Variants in TRAPPC9 observed in about 807,000 individuals in gnomAD.
The protein encoded by TRAPPC9 is IKK2 binding protein.
In TRAPPC9, 83 loss-of-function variants were observed where a neutral mutation model predicts 124.0. The observed-to-expected ratio is 0.67, with a 90% CI of 0.56 to 0.80. The LOEUF is 0.80. Among genes scored for constraint, TRAPPC9 ranks in the 30% least tolerant of loss-of-function variants. The pLI is 0.00. For synonymous variants in TRAPPC9, 638 were observed against 617.5 expected, an observed-to-expected ratio of 1.03 and a Z score of -0.49; for missense variants, 1,302 against 1,508.3, an observed-to-expected ratio of 0.86 and a Z score of 2.27.
At chr8:140,209,731 A>G (rs1310222482) in intron 17 of TRAPPC9, among the ~76,000 whole-genome samples, 1 of 152,198 alleles carries the variant, frequency 6.6e-6, no homozygotes, top group Admixed American at 6.5e-5. Flanking sequence ...AGAAAGTATT[A>G]TTATCTGCAT....
intron 17 of TRAPPC9, among the ~76,000 whole-genome samples, chr8:140,033,874 G>A (rs1367517286): frequency 6.6e-6 from 1 of 151,744 alleles, no homozygotes; most frequent in Non-Finnish European, 1.5e-5. Context: ...TAGAGACAGG[G>A]TTTCACCACG....
intron 4 of TRAPPC9, among the ~76,000 whole-genome samples, chr8:140,431,007 C>T (rs2070620709): frequency 6.6e-6 from 1 of 152,106 alleles, no homozygotes; most frequent in South Asian, 2.1e-4. Flanking sequence ...TCTCGTCTCT[C>T]AGTTGGTTGT....
intron 16 of TRAPPC9, among the ~76,000 whole-genome samples, chr8:140,231,395 C>A (rs2063589393): frequency 6.6e-6 from 1 of 150,438 alleles, no homozygotes; most frequent in Admixed American, 6.6e-5. Flanking sequence ...GACCATCTTC[C>A]AGCAAAAAGA....
In TRAPPC9 at chr8:140,194,255, G is replaced by A. The variant is rs186285406; in HGVS notation, c.2556+27204C>T. On this transcript the variant is annotated intron_variant, in intron 17 of 22. Coordinates refer to ENST00000438773, the MANE Select transcript of TRAPPC9 (RefSeq NM_001160372.4). ...CTCCTATCCAGTCTCTCCCCAGCCC[G>A]CACCCCTTCACACCCCACCCACAGT... Among the ~76,000 whole-genome samples the A allele has an allele frequency of 2.9e-4, 44 of 149,766 alleles. No homozygotes were observed. The East Asian group carries it at 7.5e-3, about 25-fold the overall frequency.
intron 5 of TRAPPC9, among the ~76,000 whole-genome samples, chr8:140,410,304 G>A (rs189546273): frequency 9.9e-5 from 15 of 152,174 alleles, no homozygotes; most frequent in Admixed American, 3.3e-4. Context: ...AGGAGGCTGC[G>A]GCAGACAGAT....
chr8:140,222,464 T>G (rs1403288703), intron 16 of TRAPPC9, among the ~76,000 whole-genome samples: 5 of 151,970 alleles, frequency 3.3e-5, no homozygotes, highest in Non-Finnish European at 7.4e-5. Flanking sequence ...CAACTCAGAG[T>G]CACTGTAGTT....
In TRAPPC9 at chr8:139,813,993, G is replaced by A. The variant is rs535957014; in HGVS notation, c.3055+71886C>T. On this transcript the variant is annotated intron_variant, in intron 21 of 22. Coordinates refer to ENST00000438773, the MANE Select transcript of TRAPPC9 (RefSeq NM_001160372.4). ...GGTGAGGGTGCCCCAGAAAGTTCCTGGAAAAGGTGACACCAGAATCCAGCT... is the reference window on the plus strand; with the variant it reads ...GGTGAGGGTGCCCCAGAAAGTTCCTAGAAAAGGTGACACCAGAATCCAGCT... 5.3e-5 allele frequency among the ~76,000 whole-genome samples: 8 copies of A among 152,228 alleles called. No homozygotes were observed. In the South Asian group the frequency reaches 1.7e-3, roughly 32 times the overall value.
At chr8:140,118,904 T>C (rs2060936677) in intron 17 of TRAPPC9, among the ~76,000 whole-genome samples, 1 of 152,240 alleles carries the variant, frequency 6.6e-6, no homozygotes, top group Non-Finnish European at 1.5e-5. Flanking sequence ...CCCTGCAGTG[T>C]GTCCTGGCTT....
chr8:140,415,019 C>T (rs2069860524), intron 5 of TRAPPC9, among the ~76,000 whole-genome samples: 1 of 152,066 alleles, frequency 6.6e-6, no homozygotes, highest in Admixed American at 6.6e-5. Context: ...GGATTACAGG[C>T]ATGAGCCACC....
chr8:140,411,230 G>A (rs1456677475), intron 5 of TRAPPC9, among the ~76,000 whole-genome samples: 2 of 152,206 alleles, frequency 1.3e-5, no homozygotes, highest in Non-Finnish European at 2.9e-5. Flanking sequence ...AGCATGCTTA[G>A]TGACCAGACC....
intron 19 of TRAPPC9, among the ~76,000 whole-genome samples, chr8:139,919,504 A>G (rs541158535): frequency 1.3e-5 from 2 of 152,372 alleles, no homozygotes; most frequent in African/African-American, 4.8e-5. Context: ...TGCAAATCAA[A>G]TCTCAATAAA....
chr8:140,152,014 G>A (rs2061550834), intron 17 of TRAPPC9, among the ~76,000 whole-genome samples: 1 of 152,120 alleles, frequency 6.6e-6, no homozygotes, highest in South Asian at 2.1e-4. Context: ...GAGCCGGAAT[G>A]GCTGCAATTC....
rs562436011 is a variant in TRAPPC9 at position 140,219,026 on chromosome 8, G to A, written c.2556+2433C>T. 2.6e-5 allele frequency among the ~76,000 whole-genome samples: 4 copies of A among 152,134 alleles called. No individual in the cohort carries two copies. In the South Asian group the frequency reaches 8.3e-4, roughly 32 times the overall value. Reference sequence around the variant, plus strand: ...AGTCAGGGAAGGTAACACTGCAGCTGGCCTAAAGTCACAAAACTAGTTGGG... The same window carrying A: ...AGTCAGGGAAGGTAACACTGCAGCTAGCCTAAAGTCACAAAACTAGTTGGG... On this transcript the variant is annotated intron_variant, in intron 17 of 22. Transcript: ENST00000438773.
At chr8:139,906,025 C>T (rs910591113) in intron 20 of TRAPPC9, among the ~76,000 whole-genome samples, 4 of 151,686 alleles carry the variant, frequency 2.6e-5, no homozygotes, top group East Asian at 1.9e-4. Flanking sequence ...ACCCGGGAGG[C>T]GGAGATTGCA....
intron 17 of TRAPPC9, 100 bp from the exon 18 acceptor site, chr8:140,024,179 A>G (rs1222917693): frequency 7.0e-7 from 1 of 1,434,728 alleles, no homozygotes; most frequent in East Asian, 2.3e-5. Flanking sequence ...GAGTCTGAAG[A>G]TAATCCCAAC....
At chr8:140,422,457 T>TA (rs2070251935) in intron 5 of TRAPPC9, among the ~76,000 whole-genome samples, 2 of 152,094 alleles carry the variant, frequency 1.3e-5, no homozygotes, top group African/African-American at 2.4e-5. Flanking sequence ...ATAGAATATA[T>TA]AAAAAACTGT....
chr8:140,114,489 A>C (rs1013466845), intron 17 of TRAPPC9, among the ~76,000 whole-genome samples: 3 of 152,226 alleles, frequency 2.0e-5, no homozygotes, highest in African/African-American at 7.2e-5. Flanking sequence ...CAAAAATTTG[A>C]ATTAAGCTTG....
intron 9 of TRAPPC9, among the ~76,000 whole-genome samples, chr8:140,329,837 G>C (rs955982504): frequency 6.6e-6 from 1 of 151,990 alleles, no homozygotes; most frequent in African/African-American, 2.4e-5. Flanking sequence ...TCATACTTTG[G>C]GAGGCCAAGG....
chr8:140,073,932 C>G (rs902637420), intron 17 of TRAPPC9, among the ~76,000 whole-genome samples: 18 of 152,188 alleles, frequency 1.2e-4, no homozygotes, highest in African/African-American at 3.9e-4. Flanking sequence ...CTTGCATGTT[C>G]ACACCTGTGA....
Sources: allele counts gnomAD v4.1 joint callset (sites outside exome capture counted in the v4.1 genomes callset), GRCh38; gene constraint gnomAD v4.1.1; transcripts MANE v1.5; gene names NCBI Gene and HGNC (gene_info 2026-07-23, HGNC 2026-07-21).